USP32: variants seen among roughly 807,000 people sequenced by gnomAD.
USP32 encodes ubiquitin specific peptidase 32, also known as ubiquitin carboxyl-terminal hydrolase 32.
Under a neutral mutation model 204.8 loss-of-function variants are expected in USP32, and 59 were observed. That is an observed-to-expected ratio of 0.29 (90% CI 0.23 to 0.36). USP32 has a LOEUF of 0.36. USP32 is among the 10% of genes least tolerant of loss of function. The pLI is 1.00. For synonymous variants in USP32, 517 were observed against 678.4 expected (o/e 0.76, Z 3.70); for missense variants, 1,160 against 1,946.4 (o/e 0.60, Z 7.60).
At chr17:60,245,517 C>A in intron 11 of USP32, 1 of 324,668 alleles carries the variant, frequency 3.1e-6, no homozygotes, top group South Asian at 3.0e-5. Context: ...TCTACAAACT[C>A]TGTTGTCAAT....
chr17:60,375,548 A>G (rs1316870075), intron 1 of USP32, among the ~76,000 whole-genome samples: 1 of 152,198 alleles, frequency 6.6e-6, no homozygotes, highest in Non-Finnish European at 1.5e-5. Context: ...TGTACAAACA[A>G]TACATACTAA....
rs574988696 is a variant in USP32 at position 60,214,632 on chromosome 17, T to C, written c.2010A>G (p.Leu670=). The C allele has an allele frequency of 6.2e-7, 1 of 1,613,274 alleles. No individual in the cohort carries two copies. The highest frequency in any genetic ancestry group is 8.5e-7 in the Non-Finnish European group (1 of 1,179,432). The part of the protein sequence containing the change: ...RIKEEDMRLW[L]YNSENYLTLL... Reference sequence around the variant, plus strand: ...AGATGCCTCTTACCTCACTGTTGTATAGCCACAGGCGCATATCTTCCTCTT... The same window carrying C: ...AGATGCCTCTTACCTCACTGTTGTACAGCCACAGGCGCATATCTTCCTCTT... Residue 670 remains leucine (L), a synonymous_variant, in exon 17 of 34, where the codon CTA becomes CTG. Coordinates refer to ENST00000300896, the MANE Select transcript of USP32 (RefSeq NM_032582.4).
intron 7 of USP32, 92 bp from the exon 8 acceptor site, chr17:60,266,183 G>C: frequency 1.1e-6 from 1 of 905,298 alleles, no homozygotes; most frequent in South Asian, 1.5e-5. Flanking sequence ...TAATTACTTA[G>C]TTTTTAAAGC....
chr17:60,326,213 T>C (rs184852222), intron 2 of USP32, among the ~76,000 whole-genome samples: 1 of 152,128 alleles, frequency 6.6e-6, no homozygotes, highest in Admixed American at 6.5e-5. Flanking sequence ...TTCCTACTGA[T>C]ACATAGATTC....
chr17:60,410,263 A>G (rs2090007643), intron 1 of USP32, among the ~76,000 whole-genome samples: 2 of 152,276 alleles, frequency 1.3e-5, no homozygotes, highest in South Asian at 4.1e-4. Flanking sequence ...ACCTCCACCC[A>G]GAAACTGACT....
chr17:60,194,044 T>C (rs1328703382), intron 27 of USP32, among the ~76,000 whole-genome samples: 1 of 152,022 alleles, frequency 6.6e-6, no homozygotes, highest in Admixed American at 6.6e-5. Flanking sequence ...CTGCAGACTT[T>C]TTCCATTTTT....
At chr17:60,211,283 T>C (rs2084960569) in intron 20 of USP32, 93 bp downstream of exon 20, 1 of 1,527,462 alleles carries the variant, frequency 6.5e-7, no homozygotes, top group Non-Finnish European at 8.8e-7. Flanking sequence ...GATAAAATCT[T>C]TCTCCCACAG....
At chr17:60,421,688 C>A in intron 1 of USP32, 1 of 833,358 alleles carries the variant, frequency 1.2e-6, no homozygotes, top group Non-Finnish European at 1.4e-6. Flanking sequence ...GGTCCCGGGG[C>A]CTCCTGAGCA....
chr17:60,358,325 A>G (rs1048255886), intron 1 of USP32, among the ~76,000 whole-genome samples: 12 of 152,120 alleles, frequency 7.9e-5, no homozygotes, highest in African/African-American at 2.9e-4. Flanking sequence ...CTGTAATCCC[A>G]GCACTTTGGG....
intron 13 of USP32, among the ~76,000 whole-genome samples, chr17:60,224,594 A>G (rs2877993): frequency 0.21 from 31,804 of 152,168 alleles, 8,179 homozygotes; most frequent in African/African-American, 0.61. Context: ...CAACCAGCAC[A>G]GGCAACATGA....
chr17:60,230,423 A>G (rs1426500016), intron 12 of USP32, among the ~76,000 whole-genome samples: 1 of 152,246 alleles, frequency 6.6e-6, no homozygotes, highest in African/African-American at 2.4e-5. Flanking sequence ...ACCAGGCATT[A>G]AATTTGCTAG....
chr17:60,335,612 T>G (rs1178241792), intron 2 of USP32, among the ~76,000 whole-genome samples: 1 of 143,014 alleles, frequency 7.0e-6, no homozygotes. Flanking sequence ...AAGGGAAAAG[T>G]GGAAAACATA....
At chr17:60,286,898 A>G (rs1054305775) in intron 5 of USP32, among the ~76,000 whole-genome samples, 8 of 152,184 alleles carry the variant, frequency 5.3e-5, no homozygotes, top group Admixed American at 5.2e-4. Flanking sequence ...CAGTAATCCT[A>G]GCACTTTGGG....
chr17:60,306,069 CT>C (rs977394809), intron 2 of USP32, among the ~76,000 whole-genome samples: 1 of 151,110 alleles, frequency 6.6e-6, no homozygotes, highest in African/African-American at 2.5e-5. Flanking sequence ...TCTAAGTACC[CT>C]TTTTTCACTC....
chr17:60,288,595 C>T lies in USP32; in HGVS notation c.499G>A (p.Gly167Ser). Residue 167 changes from glycine (G) to serine (S), a missense_variant, in exon 5 of 34, where the codon GGT (glycine) becomes AGT (serine). Gly to Ser is a moderately conservative substitution (Grantham distance 56, BLOSUM62 0). Transcript: ENST00000300896. ...TCATCAGTGAGGGTAACATACACACCTCCAGATAGAAGCCATCGAGAGAAA... is the reference window on the plus strand; with the variant it reads ...TCATCAGTGAGGGTAACATACACACTTCCAGATAGAAGCCATCGAGAGAAA... ...FTFSRWLLSG[G>S]VYVTLTDDSD... 1 of 1,613,546 alleles carries T rather than the reference C, an allele frequency of 6.2e-7. No homozygotes were observed.
At chr17:60,191,939 A>G (rs1001080052) in intron 28 of USP32, among the ~76,000 whole-genome samples, 1 of 152,122 alleles carries the variant, frequency 6.6e-6, no homozygotes, top group Admixed American at 6.6e-5. Context: ...AAAACCAAGA[A>G]CAGATTTCCA....
chr17:60,384,594 A>ATTC (rs1352481715), intron 1 of USP32, among the ~76,000 whole-genome samples: 2 of 151,946 alleles, frequency 1.3e-5, no homozygotes, highest in Non-Finnish European at 2.9e-5. Context: ...GAGTTGGAGA[A>ATTC]CAGCCTGACC....
chr17:60,421,351 C>T, intron 1 of USP32: 1 of 985,370 alleles, frequency 1.0e-6, no homozygotes. Flanking sequence ...TCCAAAGCTC[C>T]GGGCCTCCGG....
chr17:60,194,407 C>T (rs1382859196), intron 27 of USP32, among the ~76,000 whole-genome samples: 1 of 152,194 alleles, frequency 6.6e-6, no homozygotes, highest in Non-Finnish European at 1.5e-5. Context: ...TTCCTTACTC[C>T]TATGCCACTT....
Sources: allele counts gnomAD v4.1 joint callset (sites outside exome capture counted in the v4.1 genomes callset), GRCh38; gene constraint gnomAD v4.1.1; transcripts MANE v1.5; gene names NCBI Gene and HGNC (gene_info 2026-07-23, HGNC 2026-07-21).